The following ANKRD28 variants were observed in gnomAD, a reference collection of about 807,000 sequenced individuals.
ANKRD28 encodes ankyrin repeat domain 28, also known as serine/threonine-protein phosphatase 6 regulatory ankyrin repeat subunit A.
Under a neutral mutation model 126.5 loss-of-function variants are expected in ANKRD28, and 44 were observed. The ratio of observed to expected loss-of-function variants is 0.35; its 90% confidence interval spans 0.27 to 0.45. The LOEUF (loss-of-function observed/expected upper bound fraction) is 0.45. Ranked by LOEUF, ANKRD28 falls within the 20% of genes least tolerant of loss-of-function variation. The pLI, the probability that ANKRD28 is intolerant of heterozygous loss-of-function variation, is 1.00. For synonymous variants in ANKRD28, 442 were observed against 468.5 expected (o/e 0.94, Z 0.73); for missense variants, 1,110 against 1,316.6 (o/e 0.84, Z 2.43).
intron 17 of ANKRD28, 130 bp downstream of exon 17, chr3:15,694,609 A>G: frequency 1.7e-6 from 1 of 577,104 alleles, no homozygotes; most frequent in Non-Finnish European, 2.8e-6. Flanking sequence ...AAGTTCTCAA[A>G]GTTTTAATTC....
intron 5 of ANKRD28, 25 bp from the exon 6 acceptor site, chr3:15,735,522 C>A: frequency 1.3e-6 from 2 of 1,504,468 alleles, no homozygotes; most frequent in South Asian, 1.2e-5. Flanking sequence ...AACACAGTGT[C>A]ATCAAAATTG....
At chr3:15,778,209 T>C (rs548185389) in intron 2 of ANKRD28, among the ~76,000 whole-genome samples, 1 of 152,226 alleles carries the variant, frequency 6.6e-6, no homozygotes, top group Non-Finnish European at 1.5e-5. Flanking sequence ...ACTCTGGAGA[T>C]AGGAATCTTG....
intron 12 of ANKRD28, among the ~76,000 whole-genome samples, chr3:15,709,981 G>A (rs140462688): frequency 2.0e-5 from 3 of 151,622 alleles, no homozygotes; most frequent in African/African-American, 7.3e-5. Context: ...TTAAAAGGAA[G>A]ATCACATTTG....
intron 15 of ANKRD28, among the ~76,000 whole-genome samples, chr3:15,695,889 T>G (rs945962993): frequency 2.0e-5 from 3 of 152,058 alleles, no homozygotes; most frequent in African/African-American, 7.2e-5. Context: ...GAGAAGTAAA[T>G]AGTGTAGACA....
At chr3:15,728,237 T>C (rs2074330221) in intron 6 of ANKRD28, among the ~76,000 whole-genome samples, 1 of 152,250 alleles carries the variant, frequency 6.6e-6, no homozygotes, top group Non-Finnish European at 1.5e-5. Context: ...TATATTGTTT[T>C]AGATGTATTG....
intron 20 of ANKRD28, 32 bp downstream of exon 20, chr3:15,685,970 T>G: frequency 1.3e-6 from 2 of 1,574,272 alleles, no homozygotes; most frequent in Non-Finnish European, 1.7e-6. Context: ...TCATAAAAGC[T>G]TTTTGAAAGG....
At chr3:15,851,705 G>A (rs2061655689) in intron 1 of ANKRD28, among the ~76,000 whole-genome samples, 1 of 152,140 alleles carries the variant, frequency 6.6e-6, no homozygotes, top group African/African-American at 2.4e-5. Flanking sequence ...AATGAAAAAT[G>A]GTGCAGCCAC....
chr3:15,743,425 ACACAATATCT>A (rs2057248674), intron 4 of ANKRD28, among the ~76,000 whole-genome samples: 1 of 152,226 alleles, frequency 6.6e-6, no homozygotes, highest in East Asian at 1.9e-4. Flanking sequence ...TGGAGAGACC[ACACAATATCT>A]CATGTGATAA....
chr3:15,806,736 G>A (rs146998607), intron 1 of ANKRD28, among the ~76,000 whole-genome samples: 1 of 152,250 alleles, frequency 6.6e-6, no homozygotes, highest in African/African-American at 2.4e-5. Flanking sequence ...TGGCCAGGCT[G>A]CTCTTGAACT....
chr3:15,768,316 G>A (rs1447517261), intron 2 of ANKRD28, among the ~76,000 whole-genome samples: 1 of 152,114 alleles, frequency 6.6e-6, no homozygotes, highest in Non-Finnish European at 1.5e-5. Context: ...CTGCTTGCTA[G>A]GCAAAAGAAG....
rs750981070 is a variant in ANKRD28 at position 15,670,484 on chromosome 3, ATGG to A, written c.3035_3037del (p.Thr1012del). The stretch of plus-strand genomic sequence containing the variant: ...AGGACTACTTGATGAGACAGGCATC[ATGG>A]TGGCCAAAATGAGAGCCAGGCAATC... On this transcript the variant is annotated inframe_deletion, in exon 28 of 28. Coordinates refer to ENST00000683139, the MANE Select transcript of ANKRD28 (RefSeq NM_001349278.2). 1 of 1,614,024 alleles carries A rather than the reference ATGG, an allele frequency of 6.2e-7. No homozygotes were observed. The highest frequency in any genetic ancestry group is 2.2e-5 in the East Asian group (1 of 44,888).
intron 1 of ANKRD28, among the ~76,000 whole-genome samples, chr3:15,822,798 G>A (rs962689073): frequency 6.6e-5 from 10 of 152,094 alleles, no homozygotes; most frequent in African/African-American, 2.4e-4. Context: ...AAATTCTGGA[G>A]CTAAAGAATA....
At chr3:15,692,543 T>G (rs1374523578) in intron 17 of ANKRD28, among the ~76,000 whole-genome samples, 1 of 152,254 alleles carries the variant, frequency 6.6e-6, no homozygotes. Flanking sequence ...CCCCCCATGA[T>G]ATCCTTGTAT....
Position 15,797,800 on chromosome 3 carries a change from AT to A in ANKRD28, c.-1280del. On this transcript the variant is annotated 5_prime_UTR_variant, in exon 1 of 28. The change abolishes the stop of an existing upstream ORF in the 5' untranslated region. Transcript: ENST00000683139. Reference sequence around the variant, plus strand: ...TTTCAAATGCTTTCCTGTTCCTCAGATGATCTTGCAAAACACCACTGACATC... The same window carrying A: ...TTTCAAATGCTTTCCTGTTCCTCAGAGATCTTGCAAAACACCACTGACATC... 1.0e-6 allele frequency: 1 copy of A among 985,466 alleles called. No homozygotes were observed. Among genetic ancestry groups the A allele is most frequent in the Non-Finnish European group, 1.2e-6 (1 of 829,942 alleles). 61.0% of individuals were successfully genotyped at this position (985,466 alleles called of 1,614,324 possible).
At chr3:15,681,129 C>CA (rs1301860369) in intron 21 of ANKRD28, among the ~76,000 whole-genome samples, 10 of 152,248 alleles carry the variant, frequency 6.6e-5, no homozygotes, top group African/African-American at 2.4e-4. Context: ...GTCCCTTGTA[C>CA]AAAATGGTTT....
intron 14 of ANKRD28, among the ~76,000 whole-genome samples, 193 bp from the exon 15 acceptor site, chr3:15,696,438 C>G (rs945991035): frequency 6.6e-6 from 1 of 152,046 alleles, no homozygotes; most frequent in African/African-American, 2.4e-5. Flanking sequence ...ATGAAACATT[C>G]ATGAGAATCT....
chr3:15,730,893 T>G (rs2074543207), intron 6 of ANKRD28, among the ~76,000 whole-genome samples: 1 of 152,168 alleles, frequency 6.6e-6, no homozygotes, highest in Non-Finnish European at 1.5e-5. Context: ...GATTAGGCAA[T>G]AAGGGCTCTG....
chr3:15,795,447 C>A, intron 1 of ANKRD28, 141 bp from the exon 2 acceptor site: 1 of 508,972 alleles, frequency 2.0e-6, no homozygotes, highest in Non-Finnish European at 3.4e-6. Flanking sequence ...TTCATAAAAC[C>A]AAATCATGTC....
At chr3:15,769,280 GA>G (rs1490545774) in intron 2 of ANKRD28, among the ~76,000 whole-genome samples, 1 of 152,118 alleles carries the variant, frequency 6.6e-6, no homozygotes, top group African/African-American at 2.4e-5. Flanking sequence ...GAAGAAAAGG[GA>G]GAAATACAAC....
Sources: allele counts gnomAD v4.1 joint callset (sites outside exome capture counted in the v4.1 genomes callset), GRCh38; gene constraint gnomAD v4.1.1; transcripts MANE v1.5; gene names NCBI Gene and HGNC (gene_info 2026-07-23, HGNC 2026-07-21).